The following GLI2 variants were observed in gnomAD, a reference collection of about 807,000 sequenced individuals.
GLI2 encodes GLI family zinc finger 2.
In GLI2, 22 loss-of-function variants were observed where a neutral mutation model predicts 78.9. The observed-to-expected ratio is 0.28, with a 90% CI of 0.20 to 0.40. GLI2 has a LOEUF of 0.40. Ranked by LOEUF, GLI2 falls within the 10% of genes least tolerant of loss-of-function variation. GLI2 has a pLI of 1.00. For synonymous variants in GLI2, 974 were observed against 963.7 expected (o/e 1.01, Z -0.20); for missense variants, 2,097 against 2,213.2 (o/e 0.95, Z 1.05).
intron 3 of GLI2, among the ~76,000 whole-genome samples, chr2:120,944,342 A>G (rs1680605092): frequency 1.3e-5 from 2 of 152,326 alleles, no homozygotes; most frequent in South Asian, 4.1e-4. Context: ...GCCTGGTGCT[A>G]CACTGCATGC....
Position 120,991,601 on chromosome 2 carries a change from A to G in GLI2, c.*926A>G, listed in dbSNP as rs535892173. On this transcript the variant is annotated 3_prime_UTR_variant, in exon 14 of 14. Coordinates refer to ENST00000361492, the MANE Select transcript of GLI2 (RefSeq NM_001374353.1). ...GGCCCAGCCTCAGGCTGCCCTAGGG[A>G]TCTCTCAGTAGGAAGAGGAAGTTGC... The G allele has an allele frequency of 2.0e-5, 3 of 152,652 alleles. No homozygotes were observed. The highest frequency in any genetic ancestry group is 2.0e-4 in the Admixed American group (3 of 15,292). The allele number at this position is 152,652 out of a possible 1,614,324, so 9.5% of individuals were successfully genotyped here.
At chr2:120,908,514 GA>G (rs1403947680) in intron 2 of GLI2, among the ~76,000 whole-genome samples, 1 of 152,190 alleles carries the variant, frequency 6.6e-6, no homozygotes, top group Non-Finnish European at 1.5e-5. Flanking sequence ...CCTGAAAAGG[GA>G]AAAGAAGCCT....
rs1176153172 is a variant in GLI2 at position 120,888,461 on chromosome 2, T to C, written c.149-38900T>C. On this transcript the variant is annotated intron_variant, in intron 2 of 13. Transcript: ENST00000361492. ...CAGCACCGCCATCACTTTTATCTTC[T>C]TAATTTTCAGGGTGTTTTCTTCTCT... 2.0e-5 allele frequency among the ~76,000 whole-genome samples: 3 copies of C among 152,148 alleles called. No individual in the cohort carries two copies. The East Asian group carries it at 5.8e-4, about 29-fold the overall frequency.
chr2:120,780,582 G>A (rs1683814397), intron 1 of GLI2, among the ~76,000 whole-genome samples: 1 of 152,206 alleles, frequency 6.6e-6, no homozygotes, highest in Non-Finnish European at 1.5e-5. Flanking sequence ...GTGGGATGAG[G>A]GACATGGCTG....
At chr2:120,966,678 C>T (rs1681872901) in intron 5 of GLI2, among the ~76,000 whole-genome samples, 1 of 152,236 alleles carries the variant, frequency 6.6e-6, no homozygotes, top group Non-Finnish European at 1.5e-5. Context: ...TGGGGCTGGG[C>T]CGGGCATGGT....
In GLI2 at chr2:120,982,825, C is replaced by G. The variant is rs201279367; in HGVS notation, c.1577C>G (p.Ala526Gly). The change falls in exon 11 of 14, where the codon GCC becomes GGC. Residue 526 changes from alanine (A) to glycine (G), a missense_variant. Around this residue, in one of 5 missense-constraint regions of GLI2, gnomAD observed 104 missense variants for 190.6 expected, o/e 0.55. Transcript: ENST00000361492. ...YVCEHEGCNKAFSNASDRAKH... is the reference protein window; with the variant it reads ...YVCEHEGCNKGFSNASDRAKH... Reference sequence around the variant, plus strand: ...TGTGAGCACGAGGGCTGCAACAAAGCCTTCTCCAACGCCTCGGACCGCGCC... The same window carrying G: ...TGTGAGCACGAGGGCTGCAACAAAGGCTTCTCCAACGCCTCGGACCGCGCC... 76 of 1,614,176 alleles carry G rather than the reference C, an allele frequency of 4.7e-5. No individual in the cohort carries two copies. In the East Asian group the frequency reaches 1.5e-3, roughly 32 times the overall value.
In GLI2 at chr2:120,990,471, C is replaced by T. The variant is rs200499325; in HGVS notation, c.4506C>T (p.Gly1502=). The T allele has an allele frequency of 4.3e-5, 69 of 1,613,940 alleles. No homozygotes were observed. In the African/African-American group the frequency reaches 6.1e-4, roughly 14 times the overall value. The change falls in exon 14 of 14, where the codon GGC becomes GGT. Residue 1502 remains glycine, a synonymous_variant. Coordinates refer to ENST00000361492, the MANE Select transcript of GLI2 (RefSeq NM_001374353.1). ...ACTTCGATGCCATCATGGATGATGG[C>T]GATCACTCGAGTTTGTTCTCGGGTG... ...QIDFDAIMDD[G]DHSSLFSGAL...
intron 2 of GLI2, among the ~76,000 whole-genome samples, chr2:120,896,710 C>CACCCAT (rs1240981540): frequency 8.8e-5 from 4 of 45,698 alleles, no homozygotes; most frequent in African/African-American, 5.9e-4. Context: ...CACACACACA[C>CACCCAT]ACACACACAC....
At chr2:120,824,754 C>T (rs1685957453) in intron 2 of GLI2, among the ~76,000 whole-genome samples, 1 of 152,218 alleles carries the variant, frequency 6.6e-6, no homozygotes, top group Non-Finnish European at 1.5e-5. Context: ...GATGTTCCAA[C>T]CAAGTGGGAC....
At chr2:120,818,089 C>G (rs528090335) in intron 2 of GLI2, among the ~76,000 whole-genome samples, 2 of 152,346 alleles carry the variant, frequency 1.3e-5, no homozygotes, top group East Asian at 3.9e-4. Context: ...GGCCCTGTGG[C>G]CCTGTGCCTG....
chr2:120,986,461 G>T lies in GLI2; in HGVS notation c.2089G>T (p.Ala697Ser). ...ADTSALAAPS[A>S]GGLQLRKHMT... ...CACCTCAGCCCTGGCTGCCCCCTCC[G>T]CTGGTGGCCTCCAGCTGCGCAAACA... Residue 697 changes from alanine to serine, a missense_variant, in exon 13 of 14, where the codon GCT (alanine) becomes TCT (serine). Ala to Ser is a moderately conservative substitution (Grantham distance 99, BLOSUM62 1). This residue lies in a region of GLI2 where 1,290 missense variants were observed against 1,261.7 expected (regional missense o/e 1.02). Coordinates refer to ENST00000361492, the MANE Select transcript of GLI2 (RefSeq NM_001374353.1). 1.2e-6 allele frequency: 2 copies of T among 1,613,986 alleles called. No homozygotes were observed. The highest frequency in any genetic ancestry group is 1.7e-6 in the Non-Finnish European group (2 of 1,180,022).
intron 5 of GLI2, among the ~76,000 whole-genome samples, chr2:120,960,739 G>T (rs768015731): frequency 1.3e-5 from 2 of 152,220 alleles, no homozygotes; most frequent in Admixed American, 1.3e-4. Context: ...GGCCTCTACG[G>T]GGCTCTTGTG....
At chr2:120,973,593 T>TG in intron 8 of GLI2, among the ~76,000 whole-genome samples, 1 of 152,298 alleles carries the variant, frequency 6.6e-6, no homozygotes, top group Middle Eastern at 3.4e-3. Context: ...GAGAGGGTGA[T>TG]GGGAGGCCCT....
intron 2 of GLI2, among the ~76,000 whole-genome samples, chr2:120,830,358 G>A (rs1321275126): frequency 6.6e-6 from 1 of 152,232 alleles, no homozygotes; most frequent in Non-Finnish European, 1.5e-5. Context: ...CACATAGGGG[G>A]CCCTCAGTCT....
intron 3 of GLI2, among the ~76,000 whole-genome samples, chr2:120,943,412 C>A (rs894304693): frequency 6.6e-6 from 1 of 152,186 alleles, no homozygotes; most frequent in Non-Finnish European, 1.5e-5. Context: ...AGGCCCTGGC[C>A]ACATGGGATT....
At chr2:120,961,373 G>A (rs1681548489) in intron 5 of GLI2, among the ~76,000 whole-genome samples, 1 of 152,202 alleles carries the variant, frequency 6.6e-6, no homozygotes, top group Non-Finnish European at 1.5e-5. Context: ...TCCGAGACAG[G>A]AAGGGGAACC....
chr2:120,942,707 T>C (rs1680510014), intron 3 of GLI2, among the ~76,000 whole-genome samples: 1 of 152,218 alleles, frequency 6.6e-6, no homozygotes. Context: ...ACATACGTGC[T>C]CCCAGGCAGG....
chr2:120,884,781 C>A (rs1008986863), intron 2 of GLI2, among the ~76,000 whole-genome samples: 9 of 152,204 alleles, frequency 5.9e-5, no homozygotes, highest in Admixed American at 2.6e-4. Context: ...GTCCTGCCAG[C>A]CACAGGCTTC....
chr2:120,942,660 A>G (rs934239430), intron 3 of GLI2, among the ~76,000 whole-genome samples: 5 of 152,124 alleles, frequency 3.3e-5, no homozygotes, highest in South Asian at 2.1e-4. Flanking sequence ...CTCACAACAG[A>G]TTTGTAAGAT....
Sources: allele counts gnomAD v4.1 joint callset (sites outside exome capture counted in the v4.1 genomes callset), GRCh38; gene constraint gnomAD v4.1.1; regional missense constraint gnomAD v4.1.1; transcripts MANE v1.5; gene names NCBI Gene and HGNC (gene_info 2026-07-23, HGNC 2026-07-21).